EXOSC4: variants seen among roughly 807,000 people sequenced by gnomAD.
The protein encoded by EXOSC4 is exosome complex component RRP41.
EXOSC4 carries 14 observed loss-of-function variants against 20.0 expected under a neutral mutation model. That is an observed-to-expected ratio of 0.70 (90% CI 0.46 to 1.09). The LOEUF (loss-of-function observed/expected upper bound fraction) is 1.09, where lower values mean the gene tolerates loss of function less well. EXOSC4 is among the 50% of genes least tolerant of loss of function. EXOSC4 has a pLI of 0.00. For missense variants in EXOSC4, 337 were observed against 334.0 expected (o/e 1.01, Z -0.07); for synonymous variants, 148 against 146.4 (o/e 1.01, Z -0.08).
chr8:144,071,838 G>A, the EXOSC4 span, among the ~76,000 whole-genome samples: 1 of 151,978 alleles, frequency 6.6e-6, no homozygotes, highest in Admixed American at 6.6e-5. Context: ...AAATTATCTG[G>A]GGGTGGTGGC....
chr8:144,078,545 A>C (rs896844134), upstream of EXOSC4: 1 of 548,042 alleles, frequency 1.8e-6, no homozygotes, highest in Non-Finnish European at 2.9e-6. The surrounding 1 kb of genome is among the most constrained non-coding windows in gnomAD (Gnocchi z 4.7). Flanking sequence ...AGGAAGTGAC[A>C]GCGGAACGCC....
In EXOSC4 at chr8:144,080,166, C is replaced by T. The variant is rs201774377; in HGVS notation, c.378+17C>T. On this transcript the variant is annotated intron_variant, in intron 2 of 2. Transcript: ENST00000316052. The surrounding 1 kb of genome is among the most constrained non-coding windows in gnomAD (Gnocchi z 4.9). Reference sequence around the variant, plus strand: ...TATGTGCAGGTGAGCCAGCTGCAGCCGTCAATCCAGGGAGGGAAGGGTGTG... The same window carrying T: ...TATGTGCAGGTGAGCCAGCTGCAGCTGTCAATCCAGGGAGGGAAGGGTGTG... The T allele has an allele frequency of 2.5e-6, 4 of 1,607,970 alleles. No individual in the cohort carries two copies. Among genetic ancestry groups the T allele is most frequent in the East Asian group, 4.5e-5 (2 of 44,708 alleles).
chr8:144,076,800 C>T (rs547381806), upstream of EXOSC4, among the ~76,000 whole-genome samples: 2 of 152,232 alleles, frequency 1.3e-5, no homozygotes, highest in East Asian at 3.9e-4. Flanking sequence ...AGTGGACAAC[C>T]CAGTAATGGC....
rs1835868009 is a variant in EXOSC4, at chr8:144,079,027, A to AC, written c.171+130dup. The stretch of plus-strand genomic sequence containing the variant: ...TCAGTCTACACAGCCGATGCTCAGC[A>AC]CCGCATCTCACTCGGAGTAAACGCA... On this transcript the variant is annotated intron_variant, in intron 1 of 2. Transcript: ENST00000316052. 3 of 1,074,710 alleles carry AC rather than the reference A, an allele frequency of 2.8e-6. No homozygotes were observed. In the South Asian group the frequency reaches 6.5e-5, roughly 23 times the overall value. The allele number at this position is 1,074,710 out of a possible 1,614,324, so 66.6% of individuals were successfully genotyped here.
intron 1 of EXOSC4, 138 bp downstream of exon 1, chr8:144,079,037 A>C: frequency 9.7e-7 from 1 of 1,028,058 alleles, no homozygotes; most frequent in South Asian, 2.3e-5. Flanking sequence ...ACCGCATCTC[A>C]CTCGGAGTAA....
At chr8:144,071,631 T>G in the EXOSC4 span, among the ~76,000 whole-genome samples, 2 of 150,614 alleles carry the variant, frequency 1.3e-5, no homozygotes, top group Non-Finnish European at 3.0e-5. Flanking sequence ...TGATGAGACA[T>G]GCAAAGAAAG....
chr8:144,079,611 G>C (rs1218927128), intron 1 of EXOSC4: 5 of 440,268 alleles, frequency 1.1e-5, no homozygotes, highest in Non-Finnish European at 2.2e-5. Context: ...TGTAGAGTAG[G>C]GAAATGATTT....
At chr8:144,074,144 C>A (rs1247789903), upstream of EXOSC4, among the ~76,000 whole-genome samples, 1 of 152,212 alleles carries the variant, frequency 6.6e-6, no homozygotes, top group Non-Finnish European at 1.5e-5. Flanking sequence ...CCGGCTTGGG[C>A]CCCAACAAAG....
chr8:144,070,079 C>T, the EXOSC4 span, among the ~76,000 whole-genome samples: 5 of 152,304 alleles, frequency 3.3e-5, no homozygotes, highest in Admixed American at 2.0e-4. Flanking sequence ...GGCTCAGGGC[C>T]GGGCCAGTTT....
chr8:144,073,732 T>C (rs1460990478), upstream of EXOSC4, among the ~76,000 whole-genome samples: 1 of 151,974 alleles, frequency 6.6e-6, no homozygotes, highest in Non-Finnish European at 1.5e-5. Flanking sequence ...ACGCCTGTAA[T>C]CCCAGCTACT....
chr8:144,078,927 G>C lies in EXOSC4; in HGVS notation c.171+28G>C. 1 of 1,449,440 alleles carries C rather than the reference G, an allele frequency of 6.9e-7. No individual in the cohort carries two copies. Among genetic ancestry groups the C allele is most frequent in the Non-Finnish European group, 9.1e-7 (1 of 1,098,206 alleles). 89.8% of individuals were successfully genotyped at this position (1,449,440 alleles called of 1,614,324 possible). A position where few individuals can be genotyped will look rare whatever the true frequency, so the allele number is the denominator to read the frequency against. ...GAGTGGGCGCGCGGGATGGGGAATC[G>C]TGTGGCCGTGGGAGCTGCGGGGCAG... On this transcript the variant is annotated intron_variant, in intron 1 of 2. Transcript: ENST00000316052. This position sits in a 1 kb window ranked among gnomAD's most constrained non-coding sequence, Gnocchi z 4.7.
chr8:144,072,106 G>T, the EXOSC4 span, among the ~76,000 whole-genome samples: 1 of 152,224 alleles, frequency 6.6e-6, no homozygotes, highest in Non-Finnish European at 1.5e-5. Context: ...CGTCACCTGG[G>T]TATGTGTCAT....
the EXOSC4 span, among the ~76,000 whole-genome samples, chr8:144,066,767 T>C: frequency 1.3e-5 from 2 of 152,040 alleles, no homozygotes; most frequent in Non-Finnish European, 2.9e-5. Context: ...AGAGTATTTC[T>C]GATAGTTGGA....
chr8:144,072,910 G>A, the EXOSC4 span, among the ~76,000 whole-genome samples: 1 of 152,250 alleles, frequency 6.6e-6, no homozygotes, highest in Non-Finnish European at 1.5e-5. Context: ...CTGTCACACA[G>A]GATGAAGAGC....
chr8:144,071,594 C>A, the EXOSC4 span, among the ~76,000 whole-genome samples: 4 of 150,192 alleles, frequency 2.7e-5, no homozygotes, highest in Non-Finnish European at 5.9e-5. Context: ...CTTCACCCAG[C>A]CTAAAGTGTC....
chr8:144,072,383 G>A, the EXOSC4 span, among the ~76,000 whole-genome samples: 1 of 152,122 alleles, frequency 6.6e-6, no homozygotes, highest in Non-Finnish European at 1.5e-5. Flanking sequence ...ATTTCACCAT[G>A]GTGGCCAGGC....
chr8:144,066,519 G>A, the EXOSC4 span, among the ~76,000 whole-genome samples: 1 of 139,500 alleles, frequency 7.2e-6, no homozygotes, highest in African/African-American at 2.7e-5. Context: ...TCGGCTCACT[G>A]CAACCTCCGA....
chr8:144,071,532 C>T, the EXOSC4 span, among the ~76,000 whole-genome samples: 1 of 148,674 alleles, frequency 6.7e-6, no homozygotes, highest in African/African-American at 2.5e-5. Context: ...ATCTCGAACT[C>T]CTGACCTCCC....
At position 144,078,791 on chromosome 8, in the gene EXOSC4, G is replaced by A; in HGVS notation, c.63G>A (p.Glu21=). 1 of 1,559,384 alleles carries A rather than the reference G, an allele frequency of 6.4e-7. No individual in the cohort carries two copies. Residue 21 remains glutamate (E), a synonymous_variant, in exon 1 of 3, where the codon GAG becomes GAA. Coordinates refer to ENST00000316052, the MANE Select transcript of EXOSC4 (RefSeq NM_019037.3). The surrounding 1 kb of genome is among the most constrained non-coding windows in gnomAD (Gnocchi z 4.7). ...GGGTGGACGGGCGGCGCGCCGGGGA[G>A]CTGCGCAAGATCCAGGCGCGGATGG... ...GYRVDGRRAG[E]LRKIQARMGV... is the part of the protein sequence containing the mutation.
Sources: allele counts gnomAD v4.1 joint callset (sites outside exome capture counted in the v4.1 genomes callset), GRCh38; gene constraint gnomAD v4.1.1; non-coding constraint Gnocchi (gnomAD v3.1); transcripts MANE v1.5; gene names NCBI Gene and HGNC (gene_info 2026-07-23, HGNC 2026-07-21).